Variants in TANC1 observed in about 807,000 individuals in gnomAD.
TANC1 encodes the protein tetratricopeptide repeat, ankyrin repeat and coiled-coil containing 1, also known as protein TANC1.
Under a neutral mutation model 149.7 loss-of-function variants are expected in TANC1, and 77 were observed. That is an observed-to-expected ratio of 0.51 (90% CI 0.43 to 0.62). The LOEUF (loss-of-function observed/expected upper bound fraction) is 0.62. Ranked by LOEUF, TANC1 falls within the 20% of genes least tolerant of loss-of-function variation. The probability of loss-of-function intolerance (pLI) is 0.00; values close to 1 mark genes in which losing one functional copy is unlikely to be tolerated. For synonymous variants in TANC1, 854 were observed against 925.0 expected (o/e 0.92, Z 1.39); for missense variants, 1,985 against 2,321.8 (o/e 0.85, Z 2.98).
intron 10 of TANC1, 122 bp downstream of exon 10, chr2:159,170,927 G>A: frequency 9.2e-7 from 1 of 1,090,020 alleles, no homozygotes; most frequent in Non-Finnish European, 1.3e-6. Context: ...TATCAGGTTT[G>A]CCATCATGTG....
chr2:159,097,110 G>C (rs984836375), intron 3 of TANC1, among the ~76,000 whole-genome samples: 2 of 152,138 alleles, frequency 1.3e-5, no homozygotes, highest in Admixed American at 1.3e-4. Flanking sequence ...GGGTGGCCCT[G>C]TGTCATGGGG....
intron 13 of TANC1, among the ~76,000 whole-genome samples, chr2:159,177,749 CTT>C (rs1288235044): frequency 2.0e-5 from 3 of 152,144 alleles, no homozygotes; most frequent in African/African-American, 7.2e-5. Context: ...AGTGGGAAGT[CTT>C]TTTAAAAAGG....
At chr2:159,136,114 G>T (rs1295531690) in intron 4 of TANC1, 80 bp from the exon 5 acceptor site, 10 of 853,420 alleles carry the variant, frequency 1.2e-5, no homozygotes, top group Non-Finnish European at 1.4e-5. Context: ...TTGGGTCCTG[G>T]TAAGGACACA....
chr2:158,970,306 A>C (rs1208462799), intron 1 of TANC1, among the ~76,000 whole-genome samples: 1 of 151,956 alleles, frequency 6.6e-6, no homozygotes, highest in African/African-American at 2.4e-5. Context: ...CCAGGCTGGC[A>C]CTCCTGAGGC....
rs554144647 is a variant in TANC1, at chr2:159,163,985, G to A, written c.946+439G>A. Among the ~76,000 whole-genome samples the A allele has an allele frequency of 4.6e-5, 7 of 152,256 alleles. No individual in the cohort carries two copies. The South Asian group carries it at 6.2e-4, about 14-fold the overall frequency. On this transcript the variant is annotated intron_variant, in intron 8 of 26. Transcript: ENST00000263635. ...GGCCGATTGTACAGGCAAGAGGGCC[G>A]AATTTCTGTACAATTTAGTTAAAAT...
chr2:159,004,798 G>A (rs1186668834), intron 2 of TANC1, among the ~76,000 whole-genome samples: 1 of 152,078 alleles, frequency 6.6e-6, no homozygotes. Flanking sequence ...GGGTGCTAGA[G>A]GAATTAAAGA....
intron 1 of TANC1, among the ~76,000 whole-genome samples, chr2:158,974,116 G>C (rs557039592): frequency 2.6e-5 from 4 of 152,284 alleles, no homozygotes; most frequent in South Asian, 4.2e-4. Context: ...TACTATGGCA[G>C]GGATGGTCAC....
intron 7 of TANC1, among the ~76,000 whole-genome samples, chr2:159,153,847 TGGCAGCTTTTG>T (rs2053137852): frequency 6.6e-6 from 1 of 152,186 alleles, no homozygotes; most frequent in Non-Finnish European, 1.5e-5. Flanking sequence ...AGCCTGGGAA[TGGCAGCTTTTG>T]GGCATTGTAA....
At chr2:159,188,424 C>G (rs948180598) in intron 16 of TANC1, among the ~76,000 whole-genome samples, 2 of 152,230 alleles carry the variant, frequency 1.3e-5, no homozygotes, top group African/African-American at 4.8e-5. Context: ...GTGGCCAGGC[C>G]AGGATGGGGC....
chr2:159,168,665 A>G (rs189845331), intron 8 of TANC1, among the ~76,000 whole-genome samples: 11 of 152,288 alleles, frequency 7.2e-5, no homozygotes, highest in Admixed American at 1.3e-4. Context: ...AGAGGTAAAC[A>G]TAACTTATTT....
chr2:159,108,372 T>C (rs887403665), intron 4 of TANC1, among the ~76,000 whole-genome samples: 2 of 152,226 alleles, frequency 1.3e-5, no homozygotes, highest in African/African-American at 2.4e-5. Context: ...CAGTTAATGA[T>C]GACTGGGTTT....
chr2:159,018,319 A>G (rs1249910085), intron 2 of TANC1, among the ~76,000 whole-genome samples: 5 of 152,186 alleles, frequency 3.3e-5, no homozygotes, highest in Non-Finnish European at 5.9e-5. Context: ...AAAATAGTTA[A>G]TACTGCGCTT....
intron 19 of TANC1, among the ~76,000 whole-genome samples, chr2:159,210,048 CGCCCT>C (rs373988084): frequency 0.011 from 1,666 of 152,270 alleles, 22 homozygotes; most frequent in South Asian, 0.042. Context: ...AGAGCCCAGC[CGCCCT>C]GCCCTGCCCT....
intron 2 of TANC1, among the ~76,000 whole-genome samples, chr2:159,006,223 G>A (rs2037155776): frequency 6.6e-6 from 1 of 150,382 alleles, no homozygotes; most frequent in Non-Finnish European, 1.5e-5. Flanking sequence ...TTGAAACTGG[G>A]AGGCGGAGGT....
intron 4 of TANC1, among the ~76,000 whole-genome samples, chr2:159,099,509 C>A (rs979367772): frequency 8.0e-5 from 12 of 149,396 alleles, no homozygotes; most frequent in South Asian, 2.1e-4. Flanking sequence ...AAAAAAAAAA[C>A]AAAACAAAAC....
intron 7 of TANC1, among the ~76,000 whole-genome samples, chr2:159,159,731 A>T (rs55668946): frequency 0.38 from 50,476 of 133,542 alleles, 11,268 homozygotes; most frequent in Non-Finnish European, 0.54. Context: ...AGAGAGAGAG[A>T]GAGAGAGAGA....
intron 3 of TANC1, among the ~76,000 whole-genome samples, chr2:159,069,952 G>GT (rs777909364): frequency 3.9e-4 from 59 of 151,178 alleles, no homozygotes; most frequent in African/African-American, 9.2e-4. Flanking sequence ...TGCTGTTGTT[G>GT]TTTTTTTTAA....
intron 1 of TANC1, among the ~76,000 whole-genome samples, chr2:158,980,651 T>A (rs922888353): frequency 6.6e-6 from 1 of 151,858 alleles, no homozygotes; most frequent in East Asian, 1.9e-4. Context: ...GGCGGGCACC[T>A]GTAGTCCCAG....
chr2:159,138,371 T>G (rs892998576), intron 5 of TANC1, among the ~76,000 whole-genome samples: 1 of 152,172 alleles, frequency 6.6e-6, no homozygotes, highest in Non-Finnish European at 1.5e-5. Flanking sequence ...TTTCTCTTGG[T>G]TGATGAGGAG....
Sources: gnomAD v4.1 joint callset for allele counts (sites outside exome capture counted in the v4.1 genomes callset) on GRCh38, gnomAD v4.1.1 for gene constraint, MANE v1.5 for transcripts, NCBI Gene and HGNC (gene_info 2026-07-23, HGNC 2026-07-21) for gene names.